The following GAD2 variants were observed in gnomAD, a reference collection of about 807,000 sequenced individuals.
The protein encoded by GAD2 is glutamate decarboxylase 2, also known as 65 kDa glutamic acid decarboxylase.
Under a neutral mutation model 80.1 loss-of-function variants are expected in GAD2, and 22 were observed. The ratio of observed to expected loss-of-function variants is 0.27; its 90% CI spans 0.20 to 0.39. The LOEUF is 0.39. Among genes scored for constraint, GAD2 ranks in the 10% least tolerant of loss-of-function variants. The pLI is 1.00. For synonymous variants in GAD2, 274 were observed against 256.9 expected, an observed-to-expected ratio of 1.07 and a Z score of -0.64; for missense variants, 624 against 738.4, an observed-to-expected ratio of 0.85 and a Z score of 1.80.
intron 12 of GAD2, among the ~76,000 whole-genome samples, chr10:26,282,157 G>A (rs1845279672): frequency 6.6e-6 from 1 of 152,108 alleles, no homozygotes; most frequent in South Asian, 2.1e-4. Flanking sequence ...TGGCCAGGCT[G>A]GTCAAGAGCT....
At chr10:26,296,006 C>G (rs1315062331) in intron 15 of GAD2, among the ~76,000 whole-genome samples, 2 of 152,186 alleles carry the variant, frequency 1.3e-5, no homozygotes, top group Non-Finnish European at 2.9e-5. Flanking sequence ...CTAATATAGA[C>G]TGGGTAGCTT....
chr10:26,261,719 A>G (rs8190703), intron 8 of GAD2, among the ~76,000 whole-genome samples: 140 of 152,308 alleles, frequency 9.2e-4, no homozygotes, highest in Admixed American at 2.0e-3. Context: ...TTAAGAAAGT[A>G]TCTTCTTAAT....
At chr10:26,273,813 A>G in intron 11 of GAD2, 113 bp downstream of exon 11, 1 of 816,216 alleles carries the variant, frequency 1.2e-6, no homozygotes, top group Non-Finnish European at 2.0e-6. Context: ...CACTCTATTC[A>G]GTGCTTGTGT....
At chr10:26,262,862 T>C (rs1366270338) in intron 8 of GAD2, among the ~76,000 whole-genome samples, 2 of 150,642 alleles carry the variant, frequency 1.3e-5, no homozygotes, top group Admixed American at 6.6e-5. Flanking sequence ...TTTTTTTTTT[T>C]CCTCTCTACA....
chr10:26,229,827 G>C (rs369052494), intron 7 of GAD2, 50 bp downstream of exon 7: 2 of 1,323,018 alleles, frequency 1.5e-6, no homozygotes, highest in Non-Finnish European at 1.1e-6. Flanking sequence ...CATAAAGCCC[G>C]AGTTTAAGGA....
intron 4 of GAD2, among the ~76,000 whole-genome samples, chr10:26,223,612 G>T (rs1844480902): frequency 6.6e-6 from 1 of 151,938 alleles, no homozygotes; most frequent in Non-Finnish European, 1.5e-5. Flanking sequence ...CCGATTAAAG[G>T]AAGATTTGTA....
intron 8 of GAD2, among the ~76,000 whole-genome samples, chr10:26,261,433 C>T (rs914025497): frequency 4.3e-4 from 66 of 152,178 alleles, no homozygotes; most frequent in African/African-American, 1.5e-3. Context: ...AGTATTTCTT[C>T]GTTTTCAACT....
chr10:26,256,939 G>A (rs1844950199), intron 8 of GAD2, among the ~76,000 whole-genome samples: 1 of 152,186 alleles, frequency 6.6e-6, no homozygotes, highest in African/African-American at 2.4e-5. Context: ...TGTGATGGTT[G>A]CAGAACAGTA....
At chr10:26,242,659 A>T (rs186816058) in intron 7 of GAD2, among the ~76,000 whole-genome samples, 1 of 152,032 alleles carries the variant, frequency 6.6e-6, no homozygotes, top group African/African-American at 2.4e-5. Flanking sequence ...TTTCTTTTTC[A>T]TGCTTCATCT....
chr10:26,281,090 A>T lies in GAD2; in HGVS notation c.1236+3A>T, dbSNP rs1221611635. 7 of 1,604,056 alleles carry T rather than the reference A, an allele frequency of 4.4e-6. No homozygotes were observed. In the South Asian group the frequency reaches 7.7e-5, roughly 18 times the overall value. ...CTGCTCTCCTGGTTAGAGAAGAGGT[A>T]TGTCTCTCTTGACTCTGTGTCCCAG... On this transcript the variant is annotated splice_donor_region_variant and intron_variant, in intron 12 of 15. Transcript: ENST00000376261.
At chr10:26,291,164 G>A (rs1246934545) in intron 13 of GAD2, among the ~76,000 whole-genome samples, 1 of 152,220 alleles carries the variant, frequency 6.6e-6, no homozygotes, top group Non-Finnish European at 1.5e-5. Context: ...ATATGCAAAA[G>A]TTTAAACCCA....
chr10:26,227,027 C>T (rs149083101), intron 6 of GAD2, among the ~76,000 whole-genome samples: 4 of 152,360 alleles, frequency 2.6e-5, no homozygotes, highest in Non-Finnish European at 5.9e-5. Flanking sequence ...GAGTCTCACT[C>T]TGTCGCCAAG....
At chr10:26,227,273 A>G (rs1291493220) in intron 6 of GAD2, among the ~76,000 whole-genome samples, 1 of 152,188 alleles carries the variant, frequency 6.6e-6, no homozygotes, top group African/African-American at 2.4e-5. Flanking sequence ...TTGCTTTTAC[A>G]TCCTTTCTTA....
At chr10:26,259,179 C>A (rs1468370213) in intron 8 of GAD2, among the ~76,000 whole-genome samples, 3 of 152,186 alleles carry the variant, frequency 2.0e-5, no homozygotes, top group Non-Finnish European at 4.4e-5. Context: ...AAAATTACAT[C>A]TTCAAGACTC....
intron 15 of GAD2, among the ~76,000 whole-genome samples, chr10:26,295,224 G>A (rs1207133432): frequency 6.6e-6 from 1 of 152,128 alleles, no homozygotes; most frequent in Admixed American, 6.5e-5. Context: ...CCTGGAGATG[G>A]CAATTAGAAT....
intron 8 of GAD2, among the ~76,000 whole-genome samples, chr10:26,268,553 A>T (rs1392937990): frequency 6.6e-6 from 1 of 151,660 alleles, no homozygotes; most frequent in Non-Finnish European, 1.5e-5. Flanking sequence ...TTTTTATTTT[A>T]GGAAAGAAGC....
chr10:26,288,284 C>T (rs773392536), intron 13 of GAD2, among the ~76,000 whole-genome samples: 2 of 152,180 alleles, frequency 1.3e-5, no homozygotes, highest in Admixed American at 6.5e-5. Context: ...GGGAAGCCTC[C>T]TTAATACTGT....
At position 26,303,831 on chromosome 10, in the gene GAD2, T is replaced by C. The variant is rs541732815; in HGVS notation, c.*2870T>C. ...ACTGTCTTGTCACCTCAGATTGGGG[T>C]TGTGCACTTTAGATCTGAACTGTAC... On this transcript the variant is annotated 3_prime_UTR_variant, in exon 16 of 16. Transcript: ENST00000376261. 29 of 152,304 alleles carry C rather than the reference T, an allele frequency of 1.9e-4. No individual in the cohort carries two copies. Among genetic ancestry groups the C allele is most frequent in the Admixed American group, 1.8e-3 (27 of 15,310 alleles). 9.4% of individuals were successfully genotyped at this position (152,304 alleles called of 1,614,324 possible).
rs547264879 is a variant in GAD2 at position 26,217,045 on chromosome 10, C to T, written c.76+160C>T. ...CTAAGTCCTTGACGGCCCAAGAGCT[C>T]AAGACCTCTACAGCCTCTTGTACCC... On this transcript the variant is annotated intron_variant, in intron 1 of 15. Coordinates refer to ENST00000376261, the MANE Select transcript of GAD2 (RefSeq NM_001134366.2). This position sits in a 1 kb window ranked among gnomAD's most constrained non-coding sequence, Gnocchi z 4.9. 1.3e-5 allele frequency among the ~76,000 whole-genome samples: 2 copies of T among 152,154 alleles called. No individual in the cohort carries two copies. Among genetic ancestry groups the T allele is most frequent in the African/African-American group, 4.8e-5 (2 of 41,522 alleles).
Sources: allele counts gnomAD v4.1 joint callset (sites outside exome capture counted in the v4.1 genomes callset), GRCh38; gene constraint gnomAD v4.1.1; non-coding constraint Gnocchi (gnomAD v3.1); transcripts MANE v1.5; gene names NCBI Gene and HGNC (gene_info 2026-07-23, HGNC 2026-07-21).